EFNA5: variants seen among roughly 807,000 people sequenced by gnomAD.
The protein encoded by EFNA5 is ephrin A5, also known as ephrin-A5.
In EFNA5, 5 loss-of-function variants were observed where a neutral mutation model predicts 22.9. The ratio of observed to expected loss-of-function variants is 0.22; its 90% CI spans 0.11 to 0.46. EFNA5 has a LOEUF of 0.46. Among genes scored for constraint, EFNA5 ranks in the 20% least tolerant of loss-of-function variants. The pLI, the probability that EFNA5 is intolerant of heterozygous loss-of-function variation, is 0.99. For synonymous variants in EFNA5, 113 were observed against 112.2 expected (o/e 1.01, Z -0.04); for missense variants, 237 against 293.3 (o/e 0.81, Z 1.40).
intron 1 of EFNA5, among the ~76,000 whole-genome samples, chr5:107,457,240 T>G (rs1192498984): frequency 6.6e-6 from 1 of 152,172 alleles, no homozygotes; most frequent in African/African-American, 2.4e-5. Context: ...TGACCTGTTA[T>G]GATCTAAAGT....
intron 1 of EFNA5, among the ~76,000 whole-genome samples, chr5:107,487,183 C>T (rs1023862377): frequency 2.6e-5 from 4 of 152,204 alleles, no homozygotes; most frequent in Non-Finnish European, 5.9e-5. Flanking sequence ...TCTGCTCTGC[C>T]TCCATGAACT....
At chr5:107,577,288 G>GA (rs1748947046) in intron 1 of EFNA5, among the ~76,000 whole-genome samples, 1 of 151,876 alleles carries the variant, frequency 6.6e-6, no homozygotes, top group Non-Finnish European at 1.5e-5. Flanking sequence ...TGGGAAAAGG[G>GA]GAAATTTGCC....
chr5:107,661,126 AAAG>A (rs558638367), intron 1 of EFNA5, among the ~76,000 whole-genome samples: 19,442 of 139,246 alleles, frequency 0.14, 1,263 homozygotes, highest in South Asian at 0.16. Context: ...AAAAAAAAAA[AAAG>A]AAGAAGAAGA....
intron 1 of EFNA5, among the ~76,000 whole-genome samples, chr5:107,552,159 G>A (rs1454259211): frequency 6.6e-6 from 1 of 152,226 alleles, no homozygotes; most frequent in African/African-American, 2.4e-5. Flanking sequence ...TGCAAAACAT[G>A]ACCAGGGCTC....
chr5:107,641,190 C>A (rs1750501998), intron 1 of EFNA5, among the ~76,000 whole-genome samples: 1 of 151,884 alleles, frequency 6.6e-6, no homozygotes, highest in Non-Finnish European at 1.5e-5. Flanking sequence ...AAACCCATCT[C>A]TACTAAAAAT....
At chr5:107,469,078 T>C (rs77216918) in intron 1 of EFNA5, among the ~76,000 whole-genome samples, 9,129 of 152,192 alleles carry the variant, frequency 0.06, 348 homozygotes, top group East Asian at 0.18. Flanking sequence ...CAGGATCCAG[T>C]GCAAAATAAA....
chr5:107,409,076 T>C (rs1389416316), intron 2 of EFNA5, among the ~76,000 whole-genome samples: 1 of 152,154 alleles, frequency 6.6e-6, no homozygotes, highest in Non-Finnish European at 1.5e-5. Context: ...TCAGGTTCAA[T>C]TAGAGCCCTT....
At chr5:107,653,466 A>C (rs1477882136) in intron 1 of EFNA5, among the ~76,000 whole-genome samples, 1 of 152,102 alleles carries the variant, frequency 6.6e-6, no homozygotes. Flanking sequence ...CCCGCTCTGG[A>C]GTGCTGACTA....
At chr5:107,491,299 G>A (rs1043268076) in intron 1 of EFNA5, among the ~76,000 whole-genome samples, 4 of 152,040 alleles carry the variant, frequency 2.6e-5, no homozygotes, top group Non-Finnish European at 5.9e-5. Context: ...CAATACAGAC[G>A]GCCCCTCCCT....
chr5:107,429,836 T>A (rs536380088), intron 1 of EFNA5, among the ~76,000 whole-genome samples: 1 of 152,106 alleles, frequency 6.6e-6, no homozygotes, highest in Non-Finnish European at 1.5e-5. Context: ...AGTAAGAACA[T>A]ACAACAGAGA....
chr5:107,635,240 G>T, intron 1 of EFNA5, among the ~76,000 whole-genome samples: 1 of 152,262 alleles, frequency 6.6e-6, no homozygotes, highest in East Asian at 1.9e-4. Context: ...TCATGATGCC[G>T]GGTTTTTACT....
intron 1 of EFNA5, among the ~76,000 whole-genome samples, chr5:107,661,512 A>G (rs1317959277): frequency 6.6e-6 from 1 of 152,220 alleles, no homozygotes; most frequent in African/African-American, 2.4e-5. Flanking sequence ...GGCAGTGGCC[A>G]TGCTGTGCAA....
At chr5:107,608,283 T>C (rs1749762223) in intron 1 of EFNA5, among the ~76,000 whole-genome samples, 1 of 152,196 alleles carries the variant, frequency 6.6e-6, no homozygotes, top group Admixed American at 6.5e-5. Context: ...CATTCTGTGA[T>C]TCACATTGTA....
intron 2 of EFNA5, among the ~76,000 whole-genome samples, chr5:107,413,856 G>A (rs532427501): frequency 5.7e-4 from 87 of 152,154 alleles, no homozygotes; most frequent in Non-Finnish European, 1.1e-3. Flanking sequence ...TTGTGAATTA[G>A]ATGACTCCCA....
intron 1 of EFNA5, among the ~76,000 whole-genome samples, chr5:107,451,329 G>A (rs1431904501): frequency 2.0e-5 from 3 of 152,174 alleles, no homozygotes; most frequent in African/African-American, 7.2e-5. Context: ...TGTATTAGCT[G>A]TCTATGCATA....
At chr5:107,627,966 C>A (rs1750176411) in intron 1 of EFNA5, among the ~76,000 whole-genome samples, 1 of 152,076 alleles carries the variant, frequency 6.6e-6, no homozygotes, top group Non-Finnish European at 1.5e-5. Context: ...AATAAAGCAT[C>A]AAGATTAACT....
At chr5:107,634,330 A>G (rs1433581718) in intron 1 of EFNA5, among the ~76,000 whole-genome samples, 1 of 152,202 alleles carries the variant, frequency 6.6e-6, no homozygotes, top group Non-Finnish European at 1.5e-5. Flanking sequence ...CAGCCTGTGC[A>G]ACCTAGAGAG....
intron 1 of EFNA5, among the ~76,000 whole-genome samples, chr5:107,627,453 A>G (rs1046436866): frequency 6.6e-6 from 1 of 152,122 alleles, no homozygotes; most frequent in Non-Finnish European, 1.5e-5. Flanking sequence ...GCTATTTAAG[A>G]TAAGAATACA....
chr5:107,630,470 A>T (rs934683166), intron 1 of EFNA5, among the ~76,000 whole-genome samples: 1 of 152,242 alleles, frequency 6.6e-6, no homozygotes, highest in African/African-American at 2.4e-5. Context: ...GTATCTAAAC[A>T]TAGAAAAGGC....
Sources: gnomAD v4.1 joint callset for allele counts (sites outside exome capture counted in the v4.1 genomes callset) on GRCh38, gnomAD v4.1.1 for gene constraint, MANE v1.5 for transcripts, NCBI Gene and HGNC (gene_info 2026-07-23, HGNC 2026-07-21) for gene names.